The following SLC16A7 variants were observed in gnomAD, a reference collection of about 807,000 sequenced individuals.
The protein encoded by SLC16A7 is solute carrier family 16 member 7.
In SLC16A7, 33 loss-of-function variants were observed where a neutral mutation model predicts 34.9. That is an observed-to-expected ratio of 0.94 (90% CI 0.72 to 1.26). The LOEUF (loss-of-function observed/expected upper bound fraction) is 1.26. Among genes scored for constraint, SLC16A7 ranks in the 50% most tolerant of loss-of-function variants. The pLI is 0.00. For missense variants in SLC16A7, 573 were observed against 578.1 expected (o/e 0.99, Z 0.09); for synonymous variants, 201 against 206.6 (o/e 0.97, Z 0.23).
chr12:59,674,989 G>A (rs1259622265), intron 2 of SLC16A7, among the ~76,000 whole-genome samples: 2 of 152,176 alleles, frequency 1.3e-5, no homozygotes, highest in Admixed American at 6.5e-5. Flanking sequence ...CTGATCCTCA[G>A]CTCTCAGGTC....
At chr12:59,609,865 C>T (rs1199517579) in intron 1 of SLC16A7, among the ~76,000 whole-genome samples, 1 of 152,068 alleles carries the variant, frequency 6.6e-6, no homozygotes, top group Non-Finnish European at 1.5e-5. Flanking sequence ...TTTATACACT[C>T]AGATTTTTGG....
chr12:59,704,924 C>G lies in SLC16A7; in HGVS notation c.123C>G (p.Thr41=). ...GFSYAFPKAV[T]VFFKEIQQIF... ...CCTATGCATTCCCCAAAGCTGTCAC[C>G]GTATTCTTCAAAGAAATTCAGCAAA... The change falls in exon 3 of 6, where the codon ACC becomes ACG. Residue 41 remains threonine (T), a synonymous_variant. Transcript: ENST00000547379. 6.2e-7 allele frequency: 1 copy of G among 1,613,452 alleles called. No individual in the cohort carries two copies. The highest frequency in any genetic ancestry group is 8.5e-7 in the Non-Finnish European group (1 of 1,179,546).
In SLC16A7 at chr12:59,774,678, T is replaced by G; in HGVS notation, c.383T>G (p.Leu128Arg). 6.3e-7 allele frequency: 1 copy of G among 1,592,342 alleles called. No individual in the cohort carries two copies. Among genetic ancestry groups the G allele is most frequent in the Non-Finnish European group, 8.5e-7 (1 of 1,171,302 alleles). ...TTAGGTTTAGGTTTAGCCTTCAACCTGCAACCCGCCTTAACCATAATTGGC... is the reference window on the plus strand; with the variant it reads ...TTAGGTTTAGGTTTAGCCTTCAACCGGCAACCCGCCTTAACCATAATTGGC... ...FITGLGLAFN[L>R]QPALTIIGKY... Residue 128 changes from leucine to arginine, a missense_variant, in exon 5 of 6, where the codon CTG (leucine) becomes CGG (arginine). Transcript: ENST00000547379.
intron 2 of SLC16A7, among the ~76,000 whole-genome samples, chr12:59,662,651 G>T (rs1482910197): frequency 6.6e-6 from 1 of 151,996 alleles, no homozygotes; most frequent in Non-Finnish European, 1.5e-5. Context: ...ACATCTCACA[G>T]AACTTAGTTG....
At chr12:59,748,409 T>C (rs1263831258) in intron 3 of SLC16A7, among the ~76,000 whole-genome samples, 4 of 152,208 alleles carry the variant, frequency 2.6e-5, no homozygotes, top group African/African-American at 9.6e-5. Flanking sequence ...TGTGCTGGGC[T>C]AAAGTGTTGT....
rs113103608 is a variant in SLC16A7, at chr12:59,746,187, T to C, written c.218-25032T>C. On this transcript the variant is annotated intron_variant, in intron 3 of 5. Transcript: ENST00000547379. Reference sequence around the variant, plus strand: ...AAGAAATAACTGTCTTCGAAGTATATTTAGAAAACAGACTTGTCAGTACTT... The same window carrying C: ...AAGAAATAACTGTCTTCGAAGTATACTTAGAAAACAGACTTGTCAGTACTT... Among the ~76,000 whole-genome samples, 741 of 152,286 alleles carry C rather than the reference T, an allele frequency of 4.9e-3. 6 individuals are homozygous for C. Among genetic ancestry groups the C allele is most frequent in the African/African-American group, 0.017 (715 of 41,564 alleles).
chr12:59,781,658 C>T lies in SLC16A7; in HGVS notation c.*1979C>T, dbSNP rs1055301553. The T allele has an allele frequency of 6.6e-6, 1 of 152,438 alleles. No homozygotes were observed. The allele number at this position is 152,438 out of a possible 1,614,324, so 9.4% of individuals were successfully genotyped here. Reference sequence around the variant, plus strand: ...TGGCTGTTTTTAATTTAGTTTCACCCGATCTTGATTCTTGAATTAGCTATG... The same window carrying T: ...TGGCTGTTTTTAATTTAGTTTCACCTGATCTTGATTCTTGAATTAGCTATG... On this transcript the variant is annotated 3_prime_UTR_variant, in exon 6 of 6. Coordinates refer to ENST00000547379, the MANE Select transcript of SLC16A7 (RefSeq NM_001270623.2).
At chr12:59,756,934 T>C (rs1282640757) in intron 3 of SLC16A7, among the ~76,000 whole-genome samples, 4 of 132,734 alleles carry the variant, frequency 3.0e-5, no homozygotes, top group African/African-American at 1.2e-4. Flanking sequence ...CCATAAAAAA[T>C]GATGAGTTCA....
Position 59,775,071 on chromosome 12 carries a change from T to C in SLC16A7, c.776T>C (p.Leu259Pro). 1.9e-6 allele frequency: 3 copies of C among 1,614,164 alleles called. No homozygotes were observed. The highest frequency in any genetic ancestry group is 2.5e-6 in the Non-Finnish European group (3 of 1,180,016). Residue 259 changes from leucine (L) to proline (P), a missense_variant, in exon 5 of 6, where the codon CTA (leucine) becomes CCA (proline). By Grantham distance (98) the Leu-to-Pro change is moderately conservative. Transcript: ENST00000547379. ...IYLSGNVIMF[L>P]GFFAPIIFLA... Reference sequence around the variant, plus strand: ...CTGTCTGGAAATGTCATTATGTTCCTAGGTTTTTTTGCCCCCATTATATTC... The same window carrying C: ...CTGTCTGGAAATGTCATTATGTTCCCAGGTTTTTTTGCCCCCATTATATTC...
chr12:59,630,732 A>C (rs1285038814), intron 1 of SLC16A7, among the ~76,000 whole-genome samples: 1 of 151,926 alleles, frequency 6.6e-6, no homozygotes, highest in Non-Finnish European at 1.5e-5. Context: ...GTTTTTTTAC[A>C]CAATAACTAT....
At chr12:59,671,857 GTATATGTATATATGTGTATATATGTA>G (rs1869763272) in intron 2 of SLC16A7, among the ~76,000 whole-genome samples, 4 of 69,852 alleles carry the variant, frequency 5.7e-5, no homozygotes, top group Non-Finnish European at 8.3e-5. Flanking sequence ...ATATATATGT[GTATATGTATATATGTGTATATATGTA>G]TATATGTACA....
At chr12:59,622,042 A>G (rs1879718042) in intron 1 of SLC16A7, among the ~76,000 whole-genome samples, 1 of 151,880 alleles carries the variant, frequency 6.6e-6, no homozygotes, top group South Asian at 2.1e-4. Context: ...CTACACTCAG[A>G]GTGAAACGTG....
chr12:59,683,223 T>C (rs1870888102), intron 2 of SLC16A7, among the ~76,000 whole-genome samples: 1 of 152,156 alleles, frequency 6.6e-6, no homozygotes, highest in Non-Finnish European at 1.5e-5. Context: ...TGTTATGCAA[T>C]TTGAATAAAA....
At chr12:59,654,419 T>C (rs1420025941) in intron 1 of SLC16A7, among the ~76,000 whole-genome samples, 1 of 151,716 alleles carries the variant, frequency 6.6e-6, no homozygotes, top group Non-Finnish European at 1.5e-5. Flanking sequence ...GTCACAATTT[T>C]GGGGTAAATA....
At chr12:59,672,015 ATATATGTGTATATATCGCATATATCCG>A (rs1268924657) in intron 2 of SLC16A7, among the ~76,000 whole-genome samples, 236 of 252 alleles carry the variant, frequency 0.94, 114 homozygotes, top group South Asian at 1. Flanking sequence ...ATATATCCGT[ATATATGTGTATATATCGCATATATCCG>A]TATATATGTG....
chr12:59,788,272 A>T lies in SLC16A7; in HGVS notation c.*8593A>T, dbSNP rs1883756596. Reference sequence around the variant, plus strand: ...CCACATCCAGCTAACTTTTGCAAGAATTTTTTAAGGGATTAGATTTAGGGG... The same window carrying T: ...CCACATCCAGCTAACTTTTGCAAGATTTTTTTAAGGGATTAGATTTAGGGG... On this transcript the variant is annotated 3_prime_UTR_variant, in exon 6 of 6. Transcript: ENST00000547379. 6.6e-6 allele frequency: 1 copy of T among 152,122 alleles called. No homozygotes were observed. The highest frequency in any genetic ancestry group is 1.5e-5 in the Non-Finnish European group (1 of 67,994). 9.4% of individuals were successfully genotyped at this position (152,122 alleles called of 1,614,324 possible).
intron 3 of SLC16A7, among the ~76,000 whole-genome samples, chr12:59,759,568 A>G (rs936120133): frequency 6.6e-6 from 1 of 152,078 alleles, no homozygotes; most frequent in Non-Finnish European, 1.5e-5. Flanking sequence ...TATGAAAAAC[A>G]ATATTTATAT....
intron 1 of SLC16A7, among the ~76,000 whole-genome samples, chr12:59,643,310 C>T (rs1433923154): frequency 6.6e-6 from 1 of 152,100 alleles, no homozygotes; most frequent in Non-Finnish European, 1.5e-5. Context: ...CACTACTCTG[C>T]ACTATGACCC....
At chr12:59,763,473 G>A (rs1384005351) in intron 3 of SLC16A7, among the ~76,000 whole-genome samples, 3 of 152,034 alleles carry the variant, frequency 2.0e-5, no homozygotes, top group African/African-American at 7.2e-5. Context: ...GAAACCATCT[G>A]ATTAACAAAA....
Sources: allele counts gnomAD v4.1 joint callset (sites outside exome capture counted in the v4.1 genomes callset), GRCh38; gene constraint gnomAD v4.1.1; transcripts MANE v1.5; gene names NCBI Gene and HGNC (gene_info 2026-07-23, HGNC 2026-07-21).